NSMCE2: variants seen among roughly 807,000 people sequenced by gnomAD.
The protein encoded by NSMCE2 is E3 SUMO-protein ligase NSE2.
In NSMCE2, 24 loss-of-function variants were observed where a neutral mutation model predicts 23.8. That is an observed-to-expected ratio of 1.01 (90% CI 0.73 to 1.42). The LOEUF (loss-of-function observed/expected upper bound fraction) is 1.42, where lower values mean the gene tolerates loss of function less well. Among genes scored for constraint, NSMCE2 ranks in the 40% most tolerant of loss-of-function variants. NSMCE2 has a pLI of 0.00. For synonymous variants in NSMCE2, 92 were observed against 94.1 expected, an observed-to-expected ratio of 0.98 and a Z score of 0.13; for missense variants, 284 against 296.5, an observed-to-expected ratio of 0.96 and a Z score of 0.31.
intron 3 of NSMCE2, among the ~76,000 whole-genome samples, chr8:125,136,187 G>C (rs1820058946): frequency 1.3e-5 from 2 of 152,100 alleles, no homozygotes; most frequent in Non-Finnish European, 2.9e-5. Flanking sequence ...TATTATGGCA[G>C]GTTTTTGATA....
intron 3 of NSMCE2, among the ~76,000 whole-genome samples, chr8:125,145,589 C>T (rs1303738541): frequency 2.6e-5 from 4 of 152,158 alleles, no homozygotes; most frequent in African/African-American, 7.2e-5. Flanking sequence ...AATAAATAAA[C>T]GCTCACAGAA....
At chr8:125,246,097 T>A (rs1441663875) in intron 5 of NSMCE2, among the ~76,000 whole-genome samples, 2 of 152,182 alleles carry the variant, frequency 1.3e-5, no homozygotes, top group Non-Finnish European at 2.9e-5. Flanking sequence ...AAAAACATAT[T>A]TGAAAAGTAA....
chr8:125,208,603 G>A (rs1162086246), intron 5 of NSMCE2, among the ~76,000 whole-genome samples: 1 of 152,208 alleles, frequency 6.6e-6, no homozygotes, highest in Non-Finnish European at 1.5e-5. Context: ...ACTGAGTGCT[G>A]TTGAATTAGA....
chr8:125,254,047 C>G (rs968747334), intron 5 of NSMCE2, among the ~76,000 whole-genome samples: 1 of 152,144 alleles, frequency 6.6e-6, no homozygotes, highest in African/African-American at 2.4e-5. Flanking sequence ...AACTAAGCAT[C>G]TCTCTTAATT....
In NSMCE2 at chr8:125,172,326, A is replaced by G. The variant is rs535238296; in HGVS notation, c.265-9777A>G. Among the ~76,000 whole-genome samples the G allele has an allele frequency of 4.3e-4, 65 of 152,334 alleles. 1 individual carries two copies. The highest frequency in any genetic ancestry group is 3.4e-3 in the Middle Eastern group (1 of 294). ...AATTTCTGGTTCTTACTGCAGTGCA[A>G]TATCACTCCTAAAGTGAGAAATTCC... On this transcript the variant is annotated intron_variant, in intron 4 of 7. Transcript: ENST00000287437.
At chr8:125,106,494 T>A (rs7833107) in intron 3 of NSMCE2, among the ~76,000 whole-genome samples, 17,207 of 151,538 alleles carry the variant, frequency 0.11, 1,415 homozygotes, top group African/African-American at 0.23. Flanking sequence ...CCTGACCAAC[T>A]TGGTGAAACC....
intron 3 of NSMCE2, among the ~76,000 whole-genome samples, chr8:125,104,134 G>C (rs1435193097): frequency 6.6e-6 from 1 of 152,052 alleles, no homozygotes; most frequent in Non-Finnish European, 1.5e-5. Context: ...GGGGTTACAG[G>C]CATGCGCCAC....
chr8:125,277,866 A>G lies in NSMCE2; in HGVS notation c.419-79353A>G, dbSNP rs142208068. 5.8e-3 allele frequency among the ~76,000 whole-genome samples: 882 copies of G among 152,346 alleles called. 5 individuals are homozygous for G. Among genetic ancestry groups the G allele is most frequent in the Non-Finnish European group, 8.5e-3 (579 of 68,030 alleles). ...GCAGTCATTACTGAGAAATCATAGA[A>G]AACTGTAAATTAAATGAATAACCAG... On this transcript the variant is annotated intron_variant, in intron 5 of 7. Coordinates refer to ENST00000287437, the MANE Select transcript of NSMCE2 (RefSeq NM_173685.4).
intron 4 of NSMCE2, among the ~76,000 whole-genome samples, chr8:125,164,962 GT>G (rs1303991131): frequency 6.6e-6 from 1 of 152,206 alleles, no homozygotes; most frequent in African/African-American, 2.4e-5. Flanking sequence ...CTTAGAAGTA[GT>G]GAGGGATAAG....
chr8:125,200,956 G>C (rs1230182871), intron 5 of NSMCE2, among the ~76,000 whole-genome samples: 1 of 152,042 alleles, frequency 6.6e-6, no homozygotes, highest in Non-Finnish European at 1.5e-5. Context: ...CCAGTTGATC[G>C]AATCGGGTAT....
chr8:125,321,297 A>T (rs1829447112), intron 5 of NSMCE2, among the ~76,000 whole-genome samples: 1 of 152,216 alleles, frequency 6.6e-6, no homozygotes, highest in African/African-American at 2.4e-5. Flanking sequence ...GTAATCATTG[A>T]GTTTTTCAAG....
At chr8:125,327,632 A>G (rs914326931) in intron 5 of NSMCE2, among the ~76,000 whole-genome samples, 5 of 151,978 alleles carry the variant, frequency 3.3e-5, no homozygotes, top group African/African-American at 9.7e-5. Flanking sequence ...GGAGGCTAGA[A>G]GTCTTTGTCC....
Position 125,351,132 on chromosome 8 carries a change from G to A in NSMCE2, c.419-6087G>A, listed in dbSNP as rs535751312. Reference sequence around the variant, plus strand: ...GGCTTTGAGCAACTCGGTGGATGCTGACTGAGAAGAGGAGAACCAAAGGCA... The same window carrying A: ...GGCTTTGAGCAACTCGGTGGATGCTAACTGAGAAGAGGAGAACCAAAGGCA... On this transcript the variant is annotated intron_variant, in intron 5 of 7. Transcript: ENST00000287437. Among the ~76,000 whole-genome samples the A allele has an allele frequency of 5.3e-5, 8 of 152,306 alleles. No homozygotes were observed. The South Asian group carries it at 1.7e-3, about 32-fold the overall frequency.
At chr8:125,360,293 A>G (rs1339657038) in intron 7 of NSMCE2, among the ~76,000 whole-genome samples, 1 of 152,188 alleles carries the variant, frequency 6.6e-6, no homozygotes, top group East Asian at 1.9e-4. Context: ...AGGACTCAGA[A>G]CTATCGATGT....
chr8:125,102,288 A>G, intron 2 of NSMCE2, 29 bp from the exon 3 acceptor site: 1 of 1,510,226 alleles, frequency 6.6e-7, no homozygotes, highest in Non-Finnish European at 9.2e-7. Context: ...TGACTTACGA[A>G]TCTTGTTTCA....
At chr8:125,331,513 C>T (rs1380039836) in intron 5 of NSMCE2, among the ~76,000 whole-genome samples, 1 of 151,900 alleles carries the variant, frequency 6.6e-6, no homozygotes, top group Non-Finnish European at 1.5e-5. Flanking sequence ...AGAGTAACTG[C>T]AGGCAGGGTA....
At chr8:125,257,564 C>T (rs1329200095) in intron 5 of NSMCE2, among the ~76,000 whole-genome samples, 13 of 133,608 alleles carry the variant, frequency 9.7e-5, no homozygotes, top group South Asian at 2.5e-4. Context: ...GACGGAGTCT[C>T]GCTCTGTCGC....
At chr8:125,204,138 A>G (rs1346542725) in intron 5 of NSMCE2, among the ~76,000 whole-genome samples, 1 of 152,342 alleles carries the variant, frequency 6.6e-6, no homozygotes, top group African/African-American at 2.4e-5. Flanking sequence ...GACTTAGTTC[A>G]TGTGACCTTT....
intron 5 of NSMCE2, among the ~76,000 whole-genome samples, chr8:125,232,182 G>A (rs1825350075): frequency 6.6e-6 from 1 of 152,064 alleles, no homozygotes; most frequent in Non-Finnish European, 1.5e-5. Context: ...CCAACATGGA[G>A]AAATCCCGTC....
Sources: gnomAD v4.1 joint callset for allele counts (sites outside exome capture counted in the v4.1 genomes callset) on GRCh38, gnomAD v4.1.1 for gene constraint, MANE v1.5 for transcripts, NCBI Gene and HGNC (gene_info 2026-07-23, HGNC 2026-07-21) for gene names.